TBC1D23: variants seen among roughly 807,000 people sequenced by gnomAD.
The protein encoded by TBC1D23 is HCV non-structural protein 4A-transactivated protein 1.
In TBC1D23, 55 loss-of-function variants were observed where a neutral mutation model predicts 91.4. The ratio of observed to expected loss-of-function variants is 0.60; its 90% CI spans 0.48 to 0.75. The LOEUF (loss-of-function observed/expected upper bound fraction) is 0.75, where lower values mean the gene tolerates loss of function less well. Ranked by LOEUF, TBC1D23 falls within the 30% of genes least tolerant of loss-of-function variation. TBC1D23 has a pLI of 0.00. For synonymous variants in TBC1D23, 289 were observed against 281.0 expected (o/e 1.03, Z -0.28); for missense variants, 725 against 836.1 (o/e 0.87, Z 1.64).
intron 15 of TBC1D23, among the ~76,000 whole-genome samples, chr3:100,315,154 CTTTTTTTTTTT>C (rs397705981): frequency 1.5e-4 from 11 of 73,666 alleles, no homozygotes; most frequent in Admixed American, 6.8e-4. Flanking sequence ...GAGGCAGATT[CTTTTTTTTTTT>C]TTTTTTTTTT....
At chr3:100,294,552 C>T (rs924914203) in intron 5 of TBC1D23, among the ~76,000 whole-genome samples, 4 of 152,194 alleles carry the variant, frequency 2.6e-5, no homozygotes, top group South Asian at 4.1e-4. Context: ...TGAGCCACTG[C>T]GCCCGGCCTA....
intron 4 of TBC1D23, among the ~76,000 whole-genome samples, chr3:100,289,388 A>C (rs191571279): frequency 1.1e-4 from 17 of 152,324 alleles, no homozygotes; most frequent in Admixed American, 4.6e-4. Context: ...AATAGTATCT[A>C]ACAAATCCTC....
rs570987620 is a variant in TBC1D23, at chr3:100,316,974, T to C, written c.1687+787T>C. Among the ~76,000 whole-genome samples, 6 of 151,862 alleles carry C rather than the reference T, an allele frequency of 4.0e-5. No individual in the cohort carries two copies. The South Asian group carries it at 1.2e-3, about 32-fold the overall frequency. ...AGTGCATGCCCATAATCCCAGCTAATTGGGAAGCTGAGGCAAGAGAATCGC... is the reference window on the plus strand; with the variant it reads ...AGTGCATGCCCATAATCCCAGCTAACTGGGAAGCTGAGGCAAGAGAATCGC... On this transcript the variant is annotated intron_variant, in intron 16 of 18. Coordinates refer to ENST00000394144, the MANE Select transcript of TBC1D23 (RefSeq NM_001199198.3).
At chr3:100,305,315 G>A (rs957377992) in intron 12 of TBC1D23, among the ~76,000 whole-genome samples, 5 of 152,088 alleles carry the variant, frequency 3.3e-5, no homozygotes, top group African/African-American at 1.2e-4. Flanking sequence ...TGTTAGCTAA[G>A]TGGAACAAAA....
At chr3:100,295,456 G>A in intron 7 of TBC1D23, 108 bp downstream of exon 7, 1 of 825,556 alleles carries the variant, frequency 1.2e-6, no homozygotes, top group Non-Finnish European at 1.9e-6. Context: ...GAGCTCTGAG[G>A]CTCCATTCAA....
chr3:100,292,398 T>A (rs555098780), intron 5 of TBC1D23, among the ~76,000 whole-genome samples: 7 of 152,302 alleles, frequency 4.6e-5, no homozygotes, highest in Admixed American at 4.6e-4. Context: ...AACTGTGTGA[T>A]CTAAGACAGC....
rs764949489 is a variant in TBC1D23 at position 100,323,567 on chromosome 3, G to A, written c.2019-20G>A. 5.5e-6 allele frequency: 7 copies of A among 1,283,922 alleles called. No homozygotes were observed. Among genetic ancestry groups the A allele is most frequent in the Admixed American group, 2.7e-5 (1 of 37,710 alleles). The allele number at this position is 1,283,922 out of a possible 1,614,324, so 79.5% of individuals were successfully genotyped here. A position where few individuals can be genotyped will look rare whatever the true frequency, so the allele number is the denominator to read the frequency against. On this transcript the variant is annotated intron_variant, in intron 18 of 18. Transcript: ENST00000394144. ...TATGTATATATATATGTATATATAT[G>A]TATTTTTTTTCCCCCTTAGGTATTT...
intron 17 of TBC1D23, among the ~76,000 whole-genome samples, chr3:100,320,429 GT>G (rs1705831121): frequency 6.6e-6 from 1 of 152,082 alleles, no homozygotes; most frequent in South Asian, 2.1e-4. Flanking sequence ...AATGAGAATA[GT>G]TTATGAATAT....
intron 13 of TBC1D23, among the ~76,000 whole-genome samples, chr3:100,308,139 A>C (rs1705546867): frequency 6.6e-6 from 1 of 152,200 alleles, no homozygotes; most frequent in South Asian, 2.1e-4. Context: ...TAGATATGGA[A>C]ATAGAAACAT....
At chr3:100,310,368 T>C (rs779034170) in intron 13 of TBC1D23, 35 bp from the exon 14 acceptor site, 2 of 1,589,512 alleles carry the variant, frequency 1.3e-6, no homozygotes, top group Non-Finnish European at 1.7e-6. Flanking sequence ...TTTTAGTCAT[T>C]CAGAGGCAGT....
chr3:100,292,142 A>G lies in TBC1D23; in HGVS notation c.600+1441A>G, dbSNP rs992331500. Among the ~76,000 whole-genome samples, 4 of 152,188 alleles carry G rather than the reference A, an allele frequency of 2.6e-5. No homozygotes were observed. The East Asian group carries it at 5.8e-4, about 22-fold the overall frequency. On this transcript the variant is annotated intron_variant, in intron 5 of 18. Transcript: ENST00000394144. ...ATTGTTCATTTTCGAGGGAATATAT[A>G]TGCAAAAGGCAGGTAAATTCTACAT...
At chr3:100,293,048 G>A (rs765298599) in intron 5 of TBC1D23, among the ~76,000 whole-genome samples, 2 of 152,146 alleles carry the variant, frequency 1.3e-5, no homozygotes, top group African/African-American at 2.4e-5. Flanking sequence ...CTCTGAATTC[G>A]TGCTGATAGC....
chr3:100,274,679 A>T (rs11711715), intron 1 of TBC1D23, among the ~76,000 whole-genome samples: 16,514 of 150,832 alleles, frequency 0.11, 1,231 homozygotes, highest in Middle Eastern at 0.18. Flanking sequence ...TATTTCACTT[A>T]CCGTAATGTT....
intron 1 of TBC1D23, among the ~76,000 whole-genome samples, chr3:100,262,304 G>A (rs527319136): frequency 1.3e-5 from 2 of 152,290 alleles, no homozygotes; most frequent in African/African-American, 4.8e-5. Context: ...TGGAGTCACT[G>A]GGGGAAAGCT....
chr3:100,317,038 T>C (rs1375202004), intron 16 of TBC1D23, among the ~76,000 whole-genome samples: 26 of 150,488 alleles, frequency 1.7e-4, no homozygotes, highest in Admixed American at 1.7e-3. Context: ...GCCAAGATCA[T>C]GCTACTACAT....
intron 16 of TBC1D23, among the ~76,000 whole-genome samples, chr3:100,316,488 C>T (rs1705747035): frequency 6.6e-6 from 1 of 151,662 alleles, no homozygotes; most frequent in Non-Finnish European, 1.5e-5. Flanking sequence ...GGAATCCAAG[C>T]AGAAATGTTG....
At chr3:100,288,740 C>T (rs1012083644) in intron 4 of TBC1D23, among the ~76,000 whole-genome samples, 15 of 152,154 alleles carry the variant, frequency 9.9e-5, no homozygotes, top group African/African-American at 3.6e-4. Context: ...GAATGTATCT[C>T]AGTACAAAAG....
intron 2 of TBC1D23, 75 bp downstream of exon 2, chr3:100,279,835 C>G: frequency 1.1e-6 from 1 of 881,426 alleles, no homozygotes; most frequent in Non-Finnish European, 1.8e-6. Context: ...CTTCAGATGT[C>G]TTAGTTGCAG....
rs1440228105 is a variant in TBC1D23 at position 100,296,168 on chromosome 3, T to G, written c.773-4T>G. The G allele has an allele frequency of 6.6e-7, 1 of 1,505,326 alleles. No homozygotes were observed. The highest frequency in any genetic ancestry group is 9.1e-7 in the Non-Finnish European group (1 of 1,102,478). The allele number at this position is 1,505,326 out of a possible 1,614,324, so 93.2% of individuals were successfully genotyped here. A position where few individuals can be genotyped will look rare whatever the true frequency, so the allele number is the denominator to read the frequency against. On this transcript the variant is annotated splice_polypyrimidine_tract_variant and splice_region_variant and intron_variant, in intron 7 of 18. Coordinates refer to ENST00000394144, the MANE Select transcript of TBC1D23 (RefSeq NM_001199198.3). ...TACTAAATATTATGTCTATAATATT[T>G]CAGAGTTCTTGGAAAATACTCCATC... is the stretch of plus-strand genomic sequence containing the variant.
Sources: gnomAD v4.1 joint callset for allele counts (sites outside exome capture counted in the v4.1 genomes callset) on GRCh38, gnomAD v4.1.1 for gene constraint, MANE v1.5 for transcripts, NCBI Gene and HGNC (gene_info 2026-07-23, HGNC 2026-07-21) for gene names.